BCL9: variants seen among roughly 807,000 people sequenced by gnomAD.
BCL9 encodes the protein BCL9 transcription coactivator, also known as B-cell CLL/lymphoma 9 protein.
A neutral mutation model predicts 88.5 loss-of-function variants in BCL9; 25 were observed. The ratio of observed to expected loss-of-function variants is 0.28; its 90% CI spans 0.21 to 0.39. The LOEUF (loss-of-function observed/expected upper bound fraction) is 0.39, where lower values mean the gene tolerates loss of function less well. BCL9 is among the 10% of genes least tolerant of loss of function. The pLI, the probability that BCL9 is intolerant of heterozygous loss-of-function variation, is 1.00. For synonymous variants in BCL9, 711 were observed against 673.3 expected (o/e 1.06, Z -0.87); for missense variants, 1,817 against 1,877.8 (o/e 0.97, Z 0.60).
intron 1 of BCL9, among the ~76,000 whole-genome samples, chr1:147,599,174 C>T (rs587615361): frequency 6.6e-6 from 1 of 152,318 alleles, no homozygotes; most frequent in South Asian, 2.1e-4. Context: ...GACCCCTGCA[C>T]CCCCGGCGCA....
At chr1:147,567,787 T>C (rs1425473987) in intron 1 of BCL9, among the ~76,000 whole-genome samples, 1 of 152,164 alleles carries the variant, frequency 6.6e-6, no homozygotes, top group African/African-American at 2.4e-5. Context: ...CCCCTCCCCC[T>C]GCTAGGAACC....
At position 147,555,419 on chromosome 1, in the gene BCL9, G is replaced by T. The variant is rs187007129; in HGVS notation, c.-478+13745G>T. On this transcript the variant is annotated intron_variant, in intron 1 of 9. Coordinates refer to ENST00000234739, the MANE Select transcript of BCL9 (RefSeq NM_004326.4). Reference sequence around the variant, plus strand: ...TCCCCTGTAAGAGATCATCTTGTTTGCCTTCACACCCTGTATTGTAGCTTT... The same window carrying T: ...TCCCCTGTAAGAGATCATCTTGTTTTCCTTCACACCCTGTATTGTAGCTTT... Among the ~76,000 whole-genome samples the T allele has an allele frequency of 3.7e-3, 569 of 152,254 alleles. 1 individual carries two copies. Among genetic ancestry groups the T allele is most frequent in the Middle Eastern group, 0.017 (5 of 294 alleles).
At chr1:147,552,246 A>G (rs774430347) in intron 1 of BCL9, among the ~76,000 whole-genome samples, 1 of 152,202 alleles carries the variant, frequency 6.6e-6, no homozygotes, top group Non-Finnish European at 1.5e-5. Context: ...GACGTCTTCT[A>G]TAGTTTAGTT....
Position 147,624,567 on chromosome 1 carries a change from G to T in BCL9, c.3889G>T (p.Val1297Leu). ...ACCTGGCATGGGAGGTCCAGGGCCA[G>T]TGGGAACTCCGGACATCCCTCTTGG... ...ALPGMGGPGP[V>L]GTPDIPLGTA... The change falls in exon 10 of 10, where the codon GTG (valine) becomes TTG (leucine). Residue 1297 changes from valine to leucine, a missense_variant. Around this residue, in one of 2 missense-constraint regions of BCL9, gnomAD observed 589 missense variants for 686.2 expected, o/e 0.86. Transcript: ENST00000234739. This position sits in a 1 kb window ranked among gnomAD's most constrained non-coding sequence, Gnocchi z 4.4. 2 of 1,614,220 alleles carry T rather than the reference G, an allele frequency of 1.2e-6. No individual in the cohort carries two copies. Among genetic ancestry groups the T allele is most frequent in the East Asian group, 2.2e-5 (1 of 44,876 alleles).
intron 1 of BCL9, among the ~76,000 whole-genome samples, chr1:147,556,866 T>C (rs1655138183): frequency 6.6e-6 from 1 of 152,180 alleles, no homozygotes; most frequent in African/African-American, 2.4e-5. Context: ...ATGAATGCCT[T>C]GAAGGTCTAG....
chr1:147,619,117 G>A lies in BCL9; in HGVS notation c.962G>A (p.Ser321Asn), dbSNP rs1658457539. 6.2e-7 allele frequency: 1 copy of A among 1,613,910 alleles called. No homozygotes were observed. The highest frequency in any genetic ancestry group is 2.2e-5 in the East Asian group (1 of 44,880). The change falls in exon 8 of 10, where the codon AGC becomes AAC. Residue 321 changes from serine (S) to asparagine (N), a missense_variant. This residue lies in a region of BCL9 where 1,228 missense variants were observed against 1,191.6 expected (regional missense o/e 1.03). Coordinates refer to ENST00000234739, the MANE Select transcript of BCL9 (RefSeq NM_004326.4). This position sits in a 1 kb window ranked among gnomAD's most constrained non-coding sequence, Gnocchi z 4.1. ...NRAVTPVSQG[S>N]NSSSADPKAP... ...GCAGTGACCCCTGTCTCCCAGGGGA[G>A]CAATAGCTCTTCAGCAGATCCCAAA...
intron 1 of BCL9, among the ~76,000 whole-genome samples, chr1:147,601,785 A>G (rs1657403313): frequency 6.6e-6 from 1 of 152,276 alleles, no homozygotes; most frequent in South Asian, 2.1e-4. Flanking sequence ...AGATGGGTTT[A>G]TAAGAGGAGC....
At position 147,591,189 on chromosome 1, in the gene BCL9, C is replaced by CTGAA. The variant is rs146248382; in HGVS notation, c.-477-13587_-477-13586insGAAT. On this transcript the variant is annotated intron_variant, in intron 1 of 9. Coordinates refer to ENST00000234739, the MANE Select transcript of BCL9 (RefSeq NM_004326.4). ...CAGGATAATGCTGTCAGGATGGTGC[C>CTGAA]TATTCCATAGGCAGTATTCTGTAAA... Among the ~76,000 whole-genome samples, 864 of 152,024 alleles carry CTGAA rather than the reference C, an allele frequency of 5.7e-3. 9 individuals are homozygous for CTGAA. Among genetic ancestry groups the CTGAA allele is most frequent in the African/African-American group, 0.02 (820 of 41,450 alleles).
intron 1 of BCL9, among the ~76,000 whole-genome samples, chr1:147,586,758 C>T (rs2101561426): frequency 1.3e-5 from 2 of 152,264 alleles, no homozygotes; most frequent in South Asian, 4.1e-4. Flanking sequence ...CGCTCTCAGC[C>T]CCCTCTCCAC....
chr1:147,566,106 T>C (rs1655582907), intron 1 of BCL9, among the ~76,000 whole-genome samples: 1 of 152,200 alleles, frequency 6.6e-6, no homozygotes, highest in Non-Finnish European at 1.5e-5. Context: ...TTGTAACATT[T>C]ATCATGAAGA....
At position 147,622,286 on chromosome 1, in the gene BCL9, C is replaced by T. The variant is rs1553205529; in HGVS notation, c.2918C>T (p.Pro973Leu). Residue 973 changes from proline to leucine, a missense_variant, in exon 9 of 10, where the codon CCT becomes CTT. By Grantham distance (98) the Pro-to-Leu change is moderately conservative (BLOSUM62 -3). Around this residue, in one of 2 missense-constraint regions of BCL9, gnomAD observed 589 missense variants for 686.2 expected, o/e 0.86. Coordinates refer to ENST00000234739, the MANE Select transcript of BCL9 (RefSeq NM_004326.4). ...TTCCTTTTAGGTGGCCCCCCACCTCCTACAGCCAGCCAGCCTGCCTCTGTG... is the reference window on the plus strand; with the variant it reads ...TTCCTTTTAGGTGGCCCCCCACCTCTTACAGCCAGCCAGCCTGCCTCTGTG... ...GNVESGGPPP[P>L]TASQPASVNI... 6.2e-7 allele frequency: 1 copy of T among 1,614,154 alleles called. No homozygotes were observed.
At chr1:147,550,804 C>T (rs373722120) in intron 1 of BCL9, among the ~76,000 whole-genome samples, 7 of 152,156 alleles carry the variant, frequency 4.6e-5, no homozygotes, top group East Asian at 1.9e-4. Flanking sequence ...TTTATTCTCT[C>T]GGAAACTCAG....
chr1:147,572,261 A>G (rs1655920758), intron 1 of BCL9, among the ~76,000 whole-genome samples: 1 of 151,980 alleles, frequency 6.6e-6, no homozygotes, highest in Admixed American at 6.6e-5. Context: ...AAAAACAAAA[A>G]CAAAAACAAA....
rs587698272 is a variant in BCL9 at position 147,621,421 on chromosome 1, C to T, written c.2902+364C>T. Among the ~76,000 whole-genome samples the T allele has an allele frequency of 2.0e-5, 3 of 152,294 alleles. No homozygotes were observed. The South Asian group carries it at 6.2e-4, about 32-fold the overall frequency. On this transcript the variant is annotated intron_variant, in intron 8 of 9. Coordinates refer to ENST00000234739, the MANE Select transcript of BCL9 (RefSeq NM_004326.4). ...CCACTGCAAGGGGCTGCCCTTGAAT[C>T]GAGATTCTGGGTATAATCCTAAGCA...
intron 5 of BCL9, 43 bp from the exon 6 acceptor site, chr1:147,614,379 AGAAAG>A (rs1658158814): frequency 1.9e-6 from 3 of 1,587,592 alleles, no homozygotes; most frequent in Non-Finnish European, 2.6e-6. Context: ...TGCTGGCAGA[AGAAAG>A]GAAATTTTAT....
intron 1 of BCL9, among the ~76,000 whole-genome samples, chr1:147,574,258 C>G (rs1407571273): frequency 2.6e-5 from 4 of 152,160 alleles, no homozygotes; most frequent in African/African-American, 9.7e-5. Context: ...TGGGGGTCAG[C>G]TTTTGCCACT....
chr1:147,587,335 C>T (rs1422586160), intron 1 of BCL9, among the ~76,000 whole-genome samples: 8 of 152,162 alleles, frequency 5.3e-5, no homozygotes, highest in African/African-American at 1.9e-4. Flanking sequence ...CCGGAGTCCA[C>T]AGGCAGTCAG....
At chr1:147,582,288 T>C (rs1656401575) in intron 1 of BCL9, among the ~76,000 whole-genome samples, 1 of 152,260 alleles carries the variant, frequency 6.6e-6, no homozygotes, top group African/African-American at 2.4e-5. Context: ...TATTCTGCTC[T>C]ATGTTTAGAT....
chr1:147,545,388 T>C (rs1011782269), intron 1 of BCL9, among the ~76,000 whole-genome samples: 2 of 152,142 alleles, frequency 1.3e-5, no homozygotes, highest in Non-Finnish European at 2.9e-5. Context: ...GCAGTCTGAG[T>C]TGGCATTGGA....
Sources: allele counts gnomAD v4.1 joint callset (sites outside exome capture counted in the v4.1 genomes callset), GRCh38; gene constraint gnomAD v4.1.1; regional missense constraint gnomAD v4.1.1; non-coding constraint Gnocchi (gnomAD v3.1); transcripts MANE v1.5; gene names NCBI Gene and HGNC (gene_info 2026-07-23, HGNC 2026-07-21).